PLAGL1: variants seen among roughly 807,000 people sequenced by gnomAD.
The protein encoded by PLAGL1 is PLAG1 like zinc finger 1, also known as zinc finger protein PLAGL1.
In PLAGL1, 1 loss-of-function variant was observed where a neutral mutation model predicts 4.6. The observed-to-expected ratio is 0.22, with a 90% CI of 0.08 to 1.03. The LOEUF is 1.03. Among genes scored for constraint, PLAGL1 ranks in the 50% least tolerant of loss-of-function variants. The probability of loss-of-function intolerance (pLI) is 0.58; values close to 1 mark genes in which losing one functional copy is unlikely to be tolerated. For missense variants in PLAGL1, 464 were observed against 570.4 expected (o/e 0.81, Z 1.90); for synonymous variants, 240 against 237.8 (o/e 1.01, Z -0.08).
At position 143,962,015 on chromosome 6, in the gene PLAGL1, A is replaced by G. The variant is rs898204961; in HGVS notation, c.-398-1473T>C. Among the ~76,000 whole-genome samples, 1 of 152,180 alleles carries G rather than the reference A, an allele frequency of 6.6e-6. No individual in the cohort carries two copies. The highest frequency in any genetic ancestry group is 1.5e-5 in the Non-Finnish European group (1 of 68,036). On this transcript the variant is annotated intron_variant, in intron 5 of 7. Coordinates refer to ENST00000674357, the MANE Select transcript of PLAGL1 (RefSeq NM_001317162.2). This position sits in a 1 kb window ranked among gnomAD's most constrained non-coding sequence, Gnocchi z 5.3. ...AATACTCCTTGGCCTCCAAGGGCTC[A>G]CACAGGAGCTTATTCTTAAGCTGTT...
upstream of PLAGL1, among the ~76,000 whole-genome samples, chr6:144,012,502 G>A (rs1795258139): frequency 6.6e-6 from 1 of 152,168 alleles, no homozygotes; most frequent in African/African-American, 2.4e-5. The surrounding 1 kb of genome is among the most constrained non-coding windows in gnomAD (Gnocchi z 4.8). Context: ...CTCCCAAAGT[G>A]CTGGGATTAC....
In PLAGL1 at chr6:143,966,807, A is replaced by C. The variant is rs954579086; in HGVS notation, c.-471-609T>G. On this transcript the variant is annotated intron_variant, in intron 3 of 7. Transcript: ENST00000674357. This position sits in a 1 kb window ranked among gnomAD's most constrained non-coding sequence, Gnocchi z 6.0. ...TAATATTTAACACTCCTATGTTATG[A>C]TCCCCGCCTCCCTTCATCCCCCACT... 2.0e-5 allele frequency: 3 copies of C among 152,144 alleles called. No individual in the cohort carries two copies. The highest frequency in any genetic ancestry group is 7.2e-5 in the African/African-American group (3 of 41,418). 9.4% of individuals were successfully genotyped at this position (152,144 alleles called of 1,614,324 possible).
intron 1 of PLAGL1, among the ~76,000 whole-genome samples, chr6:144,017,193 A>C (rs1418018448): frequency 6.6e-6 from 1 of 152,200 alleles, no homozygotes; most frequent in East Asian, 1.9e-4. Context: ...ACCTGTATAC[A>C]TATGTAGTTT....
rs1783589915 is a variant in PLAGL1, at chr6:143,962,502, G to C, written c.-398-1960C>G. Among the ~76,000 whole-genome samples the C allele has an allele frequency of 6.6e-6, 1 of 152,168 alleles. No homozygotes were observed. The highest frequency in any genetic ancestry group is 2.4e-5 in the African/African-American group (1 of 41,444). On this transcript the variant is annotated intron_variant, in intron 5 of 7. Coordinates refer to ENST00000674357, the MANE Select transcript of PLAGL1 (RefSeq NM_001317162.2). This position sits in a 1 kb window ranked among gnomAD's most constrained non-coding sequence, Gnocchi z 5.3. ...ATTAGTTAATTGTTTTAAATGAAGG[G>C]GGAAATATTTTTTGGAAAGTTTGTT...
chr6:144,037,728 T>C (rs1006208383), intron 1 of PLAGL1: 1 of 152,236 alleles, frequency 6.6e-6, no homozygotes, highest in Non-Finnish European at 1.5e-5. Context: ...TATATTTTCT[T>C]AGATATTTAC....
In PLAGL1 at chr6:143,948,710, G is replaced by A. The variant is rs538129230; in HGVS notation, c.-324-250C>T. Among the ~76,000 whole-genome samples the A allele has an allele frequency of 2.0e-5, 3 of 152,070 alleles. No individual in the cohort carries two copies. The highest frequency in any genetic ancestry group is 2.1e-4 in the South Asian group (1 of 4,812). On this transcript the variant is annotated intron_variant, in intron 6 of 7. Coordinates refer to ENST00000674357, the MANE Select transcript of PLAGL1 (RefSeq NM_001317162.2). This position sits in a 1 kb window ranked among gnomAD's most constrained non-coding sequence, Gnocchi z 6.0. ...CTCTGGTAAGGAGAGTTCTTTCCAC[G>A]GATCCAGTATTATCTATTTCAGGTC...
At position 144,054,941 on chromosome 6, in the gene PLAGL1, GC is replaced by G. The variant is rs1481733993; in HGVS notation, c.-151+9526del. On this transcript the variant is annotated intron_variant, in intron 1 of 3. Transcript: ENST00000437412. ...AACATATAAATAATAGAAATTTAAT[GC>G]CATTTTATTCTGTACTTAACACAGG... is the stretch of plus-strand genomic sequence containing the variant. 1.5e-4 allele frequency among the ~76,000 whole-genome samples: 23 copies of G among 152,062 alleles called. 1 individual carries two copies. The highest frequency in any genetic ancestry group is 4.8e-4 in the African/African-American group (20 of 41,440).
chr6:143,955,402 C>T lies in PLAGL1; in HGVS notation c.-325+5067G>A, dbSNP rs945730382. ...GTCCACTCTACAAGGGGAAGGTGGG[C>T]TTTTTTGTCATAAATTGTTTTTAGC... On this transcript the variant is annotated intron_variant, in intron 6 of 7. Coordinates refer to ENST00000674357, the MANE Select transcript of PLAGL1 (RefSeq NM_001317162.2). The surrounding 1 kb of genome is among the most constrained non-coding windows in gnomAD (Gnocchi z 4.9). Among the ~76,000 whole-genome samples, 13 of 152,074 alleles carry T rather than the reference C, an allele frequency of 8.5e-5. No individual in the cohort carries two copies. Among genetic ancestry groups the T allele is most frequent in the African/African-American group, 3.1e-4 (13 of 41,418 alleles).
At position 143,955,920 on chromosome 6, in the gene PLAGL1, CAG is replaced by C. The variant is rs146855110; in HGVS notation, c.-325+4547_-325+4548del. 0.018 allele frequency among the ~76,000 whole-genome samples: 2,743 copies of C among 152,002 alleles called. 96 individuals carry two copies. Among genetic ancestry groups the C allele is most frequent in the African/African-American group, 0.064 (2,638 of 41,410 alleles). On this transcript the variant is annotated intron_variant, in intron 6 of 7. Coordinates refer to ENST00000674357, the MANE Select transcript of PLAGL1 (RefSeq NM_001317162.2). This position sits in a 1 kb window ranked among gnomAD's most constrained non-coding sequence, Gnocchi z 4.9. ...TAGGGGAAAGAGGGAATGGTGGTGG[CAG>C]AGAGAGGTTTTCTTCTGCATCCCAG...
intron 1 of PLAGL1, among the ~76,000 whole-genome samples, chr6:144,043,758 G>C (rs968809220): frequency 2.6e-5 from 4 of 152,142 alleles, no homozygotes. Context: ...AATGGTACCA[G>C]CTCCTCTTTG....
chr6:143,967,596 T>C (rs1340901741), intron 3 of PLAGL1: 4 of 152,224 alleles, frequency 2.6e-5, no homozygotes, highest in Non-Finnish European at 5.9e-5. Context: ...CATGTTTAAC[T>C]AGAGAAAACA....
upstream of PLAGL1, chr6:144,008,412 G>T (rs1324510865): frequency 7.2e-5 from 11 of 151,932 alleles, no homozygotes; most frequent in East Asian, 2.1e-3. This position sits in a 1 kb window ranked among gnomAD's most constrained non-coding sequence, Gnocchi z 6.9. Flanking sequence ...CTCGGGAGCC[G>T]GAACGGCGCG....
At chr6:144,037,707 T>A (rs374061822) in intron 1 of PLAGL1, 1 of 131,228 alleles carries the variant, frequency 7.6e-6, no homozygotes, top group Admixed American at 7.7e-5. Context: ...ATGAACTATG[T>A]TTTTTATTTC....
At chr6:144,002,346 C>T (rs376060667) in intron 1 of PLAGL1, among the ~76,000 whole-genome samples, 21 of 152,108 alleles carry the variant, frequency 1.4e-4, no homozygotes, top group African/African-American at 4.8e-4. Flanking sequence ...TTGAGGTATT[C>T]TCCCCTTAAG....
At chr6:143,988,974 T>C (rs1407743075) in intron 1 of PLAGL1, among the ~76,000 whole-genome samples, 3 of 152,154 alleles carry the variant, frequency 2.0e-5, no homozygotes, top group Non-Finnish European at 4.4e-5. Flanking sequence ...TACATAGACA[T>C]GAAGACAGGT....
rs1799242268 is a variant in PLAGL1 at position 144,059,685 on chromosome 6, A to G, written c.-151+4783T>C. Among the ~76,000 whole-genome samples, 1 of 152,208 alleles carries G rather than the reference A, an allele frequency of 6.6e-6. No homozygotes were observed. Among genetic ancestry groups the G allele is most frequent in the South Asian group, 2.1e-4 (1 of 4,830 alleles). ...ACCACCCATCATAGCCACTCACTAA[A>G]TCTATCACCTATTGTGAATTTAAGG... On this transcript the variant is annotated intron_variant, in intron 1 of 3. Coordinates refer to the PLAGL1 transcript ENST00000437412. This position sits in a 1 kb window ranked among gnomAD's most constrained non-coding sequence, Gnocchi z 4.9.
At chr6:144,041,200 T>TAC (rs1212047857) in intron 1 of PLAGL1, among the ~76,000 whole-genome samples, 73 of 152,258 alleles carry the variant, frequency 4.8e-4, no homozygotes, top group African/African-American at 1.7e-3. Flanking sequence ...TATATATATA[T>TAC]ACTTTAAGTT....
chr6:143,998,164 A>G (rs545602533), intron 1 of PLAGL1, among the ~76,000 whole-genome samples: 2 of 152,354 alleles, frequency 1.3e-5, no homozygotes, highest in African/African-American at 4.8e-5. Flanking sequence ...AAAACTTGGA[A>G]GGAAAGTCCA....
At chr6:143,974,002 G>T (rs562232914) in intron 2 of PLAGL1, among the ~76,000 whole-genome samples, 1 of 152,216 alleles carries the variant, frequency 6.6e-6, no homozygotes, top group Non-Finnish European at 1.5e-5. Context: ...AAGCTCCTGT[G>T]TATAAATGAG....
Sources: gnomAD v4.1 joint callset for allele counts (sites outside exome capture counted in the v4.1 genomes callset) on GRCh38, gnomAD v4.1.1 for gene constraint, Gnocchi (gnomAD v3.1) non-coding constraint, MANE v1.5 for transcripts, NCBI Gene and HGNC (gene_info 2026-07-23, HGNC 2026-07-21) for gene names.